SGCD: variants seen among roughly 807,000 people sequenced by gnomAD.
SGCD encodes delta-sarcoglycan.
A neutral mutation model predicts 36.6 loss-of-function variants in SGCD; 18 were observed. The observed-to-expected ratio is 0.49, with a 90% CI of 0.34 to 0.73. SGCD has a LOEUF of 0.73. Ranked by LOEUF, SGCD falls within the 30% of genes least tolerant of loss-of-function variation. SGCD has a pLI of 0.01. For synonymous variants in SGCD, 133 were observed against 130.6 expected (o/e 1.02, Z -0.12); for missense variants, 387 against 346.7 (o/e 1.12, Z -0.92).
At chr5:155,784,217 C>A in the SGCD span, among the ~76,000 whole-genome samples, 1 of 152,260 alleles carries the variant, frequency 6.6e-6, no homozygotes, top group East Asian at 1.9e-4. Context: ...GAGGGACTCA[C>A]ATCTAATCTG....
chr5:156,024,224 A>G (rs542581501), intron 1 of SGCD, among the ~76,000 whole-genome samples: 15 of 152,134 alleles, frequency 9.9e-5, no homozygotes, highest in Non-Finnish European at 1.6e-4. Flanking sequence ...GAGACAGGCA[A>G]TGTGTGCTTT....
At chr5:156,646,071 A>T (rs1004259100) in intron 6 of SGCD, among the ~76,000 whole-genome samples, 3 of 152,078 alleles carry the variant, frequency 2.0e-5, no homozygotes, top group African/African-American at 7.2e-5. Flanking sequence ...TGGCTTTGAA[A>T]TCTTCCCCTA....
At chr5:156,080,536 C>T (rs1040850443) in intron 1 of SGCD, among the ~76,000 whole-genome samples, 1 of 152,174 alleles carries the variant, frequency 6.6e-6, no homozygotes, top group Admixed American at 6.5e-5. Flanking sequence ...TTCATTGCTC[C>T]CACATCTGAG....
chr5:156,630,110 G>A (rs145018736), intron 6 of SGCD, among the ~76,000 whole-genome samples: 2,571 of 152,168 alleles, frequency 0.017, 77 homozygotes, highest in African/African-American at 0.059. Flanking sequence ...TGATCCACCC[G>A]CCTCAGCCTC....
In SGCD at chr5:156,106,175, C is replaced by T. The variant is rs998967404; in HGVS notation, c.-281-11703C>T. Among the ~76,000 whole-genome samples the T allele has an allele frequency of 3.2e-4, 46 of 144,768 alleles. 1 individual carries two copies. Among genetic ancestry groups the T allele is most frequent in the Non-Finnish European group, 3.3e-4 (22 of 66,588 alleles). 95.0% of individuals were successfully genotyped at this position (144,768 alleles called of 152,430 possible). A position where few individuals can be genotyped will look rare whatever the true frequency, so the allele number is the denominator to read the frequency against. On this transcript the variant is annotated intron_variant, in intron 1 of 9. Transcript: ENST00000517913. ...GAATAATACTGTGTTGGTAATTATG[C>T]GCAGTGATCCAAATCTGAAGATGAT...
At chr5:156,492,794 A>G (rs1756006092) in intron 3 of SGCD, among the ~76,000 whole-genome samples, 3 of 152,044 alleles carry the variant, frequency 2.0e-5, no homozygotes, top group Admixed American at 1.3e-4. Flanking sequence ...ACTCCCACTT[A>G]TTAGTGAGAA....
chr5:155,993,696 T>A (rs1366606777), intron 1 of SGCD, among the ~76,000 whole-genome samples: 1 of 152,074 alleles, frequency 6.6e-6, no homozygotes, highest in East Asian at 1.9e-4. Context: ...ACACGTCTAG[T>A]AGTTGATGTT....
intron 7 of SGCD, among the ~76,000 whole-genome samples, chr5:156,709,093 G>T (rs991984973): frequency 1.3e-5 from 2 of 152,234 alleles, no homozygotes; most frequent in African/African-American, 4.8e-5. Flanking sequence ...GACAAAAAAG[G>T]TGAAGATAGA....
intron 7 of SGCD, among the ~76,000 whole-genome samples, chr5:156,755,699 G>A (rs1354984501): frequency 1.3e-5 from 2 of 152,186 alleles, no homozygotes; most frequent in Admixed American, 6.5e-5. Flanking sequence ...GAGGAGGGGA[G>A]GTGGGGAGTG....
chr5:156,684,973 G>T (rs890978842), intron 7 of SGCD, among the ~76,000 whole-genome samples: 4 of 152,086 alleles, frequency 2.6e-5, no homozygotes, highest in African/African-American at 9.7e-5. Flanking sequence ...CTGCAGAAGA[G>T]AAAGAAAAAC....
At chr5:156,554,576 A>G (rs1302824149) in intron 4 of SGCD, among the ~76,000 whole-genome samples, 1 of 150,062 alleles carries the variant, frequency 6.7e-6, no homozygotes, top group Non-Finnish European at 1.5e-5. Context: ...ACCAAAAAAA[A>G]GTATGCATAT....
chr5:155,942,139 CAT>C (rs760026525), intron 1 of SGCD, among the ~76,000 whole-genome samples: 42 of 152,100 alleles, frequency 2.8e-4, no homozygotes, highest in Non-Finnish European at 5.4e-4. Flanking sequence ...TAGTATTACA[CAT>C]ATACATGAAC....
At chr5:156,518,932 A>G (rs1360547476) in intron 4 of SGCD, among the ~76,000 whole-genome samples, 1 of 152,168 alleles carries the variant, frequency 6.6e-6, no homozygotes, top group African/African-American at 2.4e-5. Flanking sequence ...CTAACATCAC[A>G]ACTAAAAGAA....
intron 3 of SGCD, among the ~76,000 whole-genome samples, chr5:156,487,642 G>T (rs967698603): frequency 6.6e-6 from 1 of 151,566 alleles, no homozygotes; most frequent in Non-Finnish European, 1.5e-5. Context: ...ACAAAAATTA[G>T]CCAGGCGTGG....
At chr5:156,685,477 C>T (rs915213122) in intron 7 of SGCD, among the ~76,000 whole-genome samples, 4 of 152,122 alleles carry the variant, frequency 2.6e-5, no homozygotes, top group African/African-American at 4.8e-5. Flanking sequence ...AAACATTAGA[C>T]GAAGCAAGCT....
In SGCD at chr5:156,761,546, A is replaced by C. The variant is rs1757499892; in HGVS notation, c.*2156A>C. On this transcript the variant is annotated 3_prime_UTR_variant, in exon 9 of 9. Transcript: ENST00000337851. ...CCAGGAAACGCCCTCCTTGGCTACT[A>C]GGAGCACCTATCCCATATCATTCAG... The C allele has an allele frequency of 6.6e-6, 1 of 152,216 alleles. No homozygotes were observed. The highest frequency in any genetic ancestry group is 1.5e-5 in the Non-Finnish European group (1 of 68,038). 9.4% of individuals were successfully genotyped at this position (152,216 alleles called of 1,614,324 possible). A position where few individuals can be genotyped will look rare whatever the true frequency, so the allele number is the denominator to read the frequency against.
At chr5:156,334,610 T>TTTTC (rs1491420468) in intron 2 of SGCD, among the ~76,000 whole-genome samples, 962 of 12,650 alleles carry the variant, frequency 0.076, 10 homozygotes, top group African/African-American at 0.31. Context: ...GTCTATTTTC[T>TTTTC]TTTTTTTTTT....
chr5:155,894,002 T>G (rs1039627022), intron 1 of SGCD, among the ~76,000 whole-genome samples: 1 of 152,152 alleles, frequency 6.6e-6, no homozygotes, highest in Non-Finnish European at 1.5e-5. Flanking sequence ...AAAAGATGTC[T>G]TAAAAAGTAC....
chr5:156,526,269 A>G (rs1015063027), intron 4 of SGCD, among the ~76,000 whole-genome samples: 2 of 152,154 alleles, frequency 1.3e-5, no homozygotes, highest in African/African-American at 4.8e-5. Context: ...GGGAAAAAAA[A>G]AGTGAGAACT....
Sources: gnomAD v4.1 joint callset for allele counts (sites outside exome capture counted in the v4.1 genomes callset) on GRCh38, gnomAD v4.1.1 for gene constraint, MANE v1.5 for transcripts, NCBI Gene and HGNC (gene_info 2026-07-23, HGNC 2026-07-21) for gene names.